The following RAB3GAP2 variants were observed in gnomAD, a reference collection of about 807,000 sequenced individuals.
The protein encoded by RAB3GAP2 is RAB3 GTPase activating non-catalytic protein subunit 2, also known as rab3 GTPase-activating protein non-catalytic subunit.
In RAB3GAP2, 87 loss-of-function variants were observed where a neutral mutation model predicts 185.3. The observed-to-expected ratio is 0.47, with a 90% CI of 0.39 to 0.56. RAB3GAP2 has a LOEUF of 0.56. Ranked by LOEUF, RAB3GAP2 falls within the 20% of genes least tolerant of loss-of-function variation. The pLI is 0.00. For synonymous variants in RAB3GAP2, 554 were observed against 576.1 expected (o/e 0.96, Z 0.55); for missense variants, 1,492 against 1,638.2 (o/e 0.91, Z 1.54).
intron 17 of RAB3GAP2, 94 bp from the exon 18 acceptor site, chr1:220,185,835 A>G (rs1558148303): frequency 1.1e-6 from 1 of 872,688 alleles, no homozygotes; most frequent in East Asian, 2.6e-5. Context: ...ACTACCCCAA[A>G]TTTCAAAGGG....
intron 1 of RAB3GAP2, chr1:220,267,633 G>A: frequency 5.6e-6 from 8 of 1,421,932 alleles, no homozygotes; most frequent in South Asian, 1.1e-5. Flanking sequence ...GCTGTTTTGG[G>A]TGTTATTCAG....
intron 4 of RAB3GAP2, among the ~76,000 whole-genome samples, chr1:220,212,578 C>G (rs1659103714): frequency 6.6e-6 from 1 of 152,042 alleles, no homozygotes; most frequent in South Asian, 2.1e-4. Flanking sequence ...ACTGCAGCCT[C>G]AAACTCCTGG....
intron 1 of RAB3GAP2, among the ~76,000 whole-genome samples, chr1:220,246,906 A>AAAAT (rs371768003): frequency 0.068 from 10,350 of 152,038 alleles, 464 homozygotes; most frequent in South Asian, 0.12. Flanking sequence ...TGTATAATAA[A>AAAAT]AAATAAATAA....
chr1:220,215,192 CAGTTT>C, intron 2 of RAB3GAP2, among the ~76,000 whole-genome samples: 1 of 151,994 alleles, frequency 6.6e-6, no homozygotes, highest in South Asian at 2.1e-4. Context: ...ATAAATTCCT[CAGTTT>C]GTGTGGAAGT....
At chr1:220,267,557 A>G in intron 1 of RAB3GAP2, 1 of 1,387,578 alleles carries the variant, frequency 7.2e-7, no homozygotes, top group East Asian at 2.3e-5. Context: ...TTGATTCTTC[A>G]TTTTTCTGTT....
chr1:220,156,845 G>A (rs1285367352), intron 31 of RAB3GAP2, among the ~76,000 whole-genome samples: 1 of 152,246 alleles, frequency 6.6e-6, no homozygotes, highest in Non-Finnish European at 1.5e-5. Context: ...CCAAGTCAGG[G>A]AATTCAGAAG....
chr1:220,167,451 G>A, intron 25 of RAB3GAP2, 51 bp downstream of exon 25: 2 of 1,612,294 alleles, frequency 1.2e-6, no homozygotes, highest in Non-Finnish European at 1.7e-6. Context: ...ATGAACACTT[G>A]GCCACATCTT....
intron 2 of RAB3GAP2, chr1:220,219,655 AGAGTGT>A (rs1433893947): frequency 2.6e-5 from 4 of 152,250 alleles, no homozygotes; most frequent in Non-Finnish European, 5.9e-5. Context: ...CCAAGAATAA[AGAGTGT>A]GAGTCCATCT....
At chr1:220,189,838 T>C (rs1430062523) in intron 16 of RAB3GAP2, 71 bp from the exon 17 acceptor site, 2 of 1,266,096 alleles carry the variant, frequency 1.6e-6, no homozygotes, top group Non-Finnish European at 2.2e-6. Context: ...TGAAAGAAAA[T>C]GAACATATCT....
At chr1:220,243,606 C>T (rs1659740754) in intron 1 of RAB3GAP2, among the ~76,000 whole-genome samples, 1 of 152,074 alleles carries the variant, frequency 6.6e-6, no homozygotes, top group Non-Finnish European at 1.5e-5. Flanking sequence ...CAACTGTTTT[C>T]CAGAGTACAT....
In RAB3GAP2 at chr1:220,272,298, G is replaced by A. The variant is rs1231404992; in HGVS notation, c.40C>T (p.Leu14Phe). 32 of 1,612,444 alleles carry A rather than the reference G, an allele frequency of 2.0e-5. No individual in the cohort carries two copies. Among genetic ancestry groups the A allele is most frequent in the Non-Finnish European group, 2.7e-5 (32 of 1,179,680 alleles). ...AAGAGGAAGTCCCGGGCGGCCTGGA[G>A]GTCCTGGAAGTAGCAGAACTGGACA... The part of the protein sequence containing the change: ...SIVQFCYFQD[L>F]QAARDFLFPH... Residue 14 changes from leucine to phenylalanine, a missense_variant, in exon 1 of 35, where the codon CTC becomes TTC. Leu to Phe is a conservative substitution (Grantham distance 22). Around this residue, in one of 5 missense-constraint regions of RAB3GAP2, gnomAD observed 177 missense variants for 160.6 expected, o/e 1.10. Coordinates refer to ENST00000358951, the MANE Select transcript of RAB3GAP2 (RefSeq NM_012414.4).
intron 21 of RAB3GAP2, among the ~76,000 whole-genome samples, chr1:220,175,165 A>C (rs1206456986): frequency 6.6e-6 from 1 of 152,124 alleles, no homozygotes; most frequent in Non-Finnish European, 1.5e-5. Flanking sequence ...CACTTTGATA[A>C]ATTTTACATA....
chr1:220,185,671 A>G lies in RAB3GAP2; in HGVS notation c.1850T>C (p.Met617Thr). 1 of 1,611,414 alleles carries G rather than the reference A, an allele frequency of 6.2e-7. No homozygotes were observed. The highest frequency in any genetic ancestry group is 8.5e-7 in the Non-Finnish European group (1 of 1,177,830). ...SCLRNITQTL[M>T]DTLKSQELES... ...ATTACCTTGACTTTTTAAAGTGTCC[A>G]TTAAAGTCTGAGTGATGTTTCTAAG... The change falls in exon 18 of 35, where the codon ATG becomes ACG. Residue 617 changes from methionine (M) to threonine (T), a missense_variant. Physicochemically the swap from Met to Thr is moderately conservative, Grantham distance 81. This residue lies in a region of RAB3GAP2 where 681 missense variants were observed against 689.1 expected (regional missense o/e 0.99). Coordinates refer to ENST00000358951, the MANE Select transcript of RAB3GAP2 (RefSeq NM_012414.4).
chr1:220,197,750 G>A (rs1658756304), intron 9 of RAB3GAP2, among the ~76,000 whole-genome samples: 1 of 152,112 alleles, frequency 6.6e-6, no homozygotes, highest in African/African-American at 2.4e-5. Flanking sequence ...CAGTAATCCA[G>A]AGGACAATTT....
chr1:220,258,430 C>CATATTCAAATCAAT (rs1284435684), intron 1 of RAB3GAP2, among the ~76,000 whole-genome samples: 2 of 152,142 alleles, frequency 1.3e-5, no homozygotes, highest in African/African-American at 4.8e-5. Flanking sequence ...GTTGGTTCAA[C>CATATTCAAATCAAT]ATATTCAAAT....
At chr1:220,217,654 T>A (rs963339620) in intron 2 of RAB3GAP2, among the ~76,000 whole-genome samples, 4 of 152,162 alleles carry the variant, frequency 2.6e-5, no homozygotes, top group African/African-American at 9.6e-5. Context: ...TAATAGAATA[T>A]AGGAGTAAAT....
At chr1:220,184,186 T>C (rs1473048698) in intron 18 of RAB3GAP2, 23 bp from the exon 19 acceptor site, 2 of 1,589,834 alleles carry the variant, frequency 1.3e-6, no homozygotes, top group Non-Finnish European at 1.7e-6. Flanking sequence ...AGGAAAAGTA[T>C]ATATAAGAGA....
At chr1:220,271,979 G>C (rs1387508475) in intron 1 of RAB3GAP2, among the ~76,000 whole-genome samples, 1 of 151,926 alleles carries the variant, frequency 6.6e-6, no homozygotes, top group Non-Finnish European at 1.5e-5. Context: ...GAGGAAACAA[G>C]ACGCAGTTTT....
At chr1:220,161,686 C>T (rs1657966134) in intron 28 of RAB3GAP2, among the ~76,000 whole-genome samples, 2 of 152,058 alleles carry the variant, frequency 1.3e-5, no homozygotes, top group Non-Finnish European at 2.9e-5. Flanking sequence ...GAGAATAACT[C>T]CTAGGTCTTT....
Sources: gnomAD v4.1 joint callset for allele counts (sites outside exome capture counted in the v4.1 genomes callset) on GRCh38, gnomAD v4.1.1 for gene constraint, gnomAD v4.1.1 regional missense constraint, MANE v1.5 for transcripts, NCBI Gene and HGNC (gene_info 2026-07-23, HGNC 2026-07-21) for gene names.